Variants in COL11A1 observed in about 807,000 individuals in gnomAD.
The protein encoded by COL11A1 is collagen alpha-1(XI) chain.
In COL11A1, 74 loss-of-function variants were observed where a neutral mutation model predicts 265.2. That is an observed-to-expected ratio of 0.28 (90% CI 0.23 to 0.34). The LOEUF (loss-of-function observed/expected upper bound fraction) is 0.34, where lower values mean the gene tolerates loss of function less well. Ranked by LOEUF, COL11A1 falls within the 10% of genes least tolerant of loss-of-function variation. The probability of loss-of-function intolerance (pLI) is 1.00; values close to 1 mark genes in which losing one functional copy is unlikely to be tolerated. For synonymous variants in COL11A1, 816 were observed against 727.6 expected (o/e 1.12, Z -1.96); for missense variants, 2,165 against 2,263.6 (o/e 0.96, Z 0.88).
Position 103,057,632 on chromosome 1 carries a change from A to C in COL11A1, c.651+16986T>G, listed in dbSNP as rs184960331. Among the ~76,000 whole-genome samples, 4 of 152,298 alleles carry C rather than the reference A, an allele frequency of 2.6e-5. No individual in the cohort carries two copies. The East Asian group carries it at 7.7e-4, about 29-fold the overall frequency. On this transcript the variant is annotated intron_variant, in intron 4 of 66. Transcript: ENST00000370096. The stretch of plus-strand genomic sequence containing the variant: ...ATTACTATTGATCCATGGGCTATTG[A>C]TGTTGTGTTAGCAAGCATGAAAACA...
rs1242544627 is a variant in COL11A1 at position 102,965,501 on chromosome 1, C to T, written c.2902G>A (p.Val968Met). ...AAGGAACATACCTGTGGTCCAACCACTCCCCCTGGCCCAGGAGGGCCGGTC... is the reference window on the plus strand; with the variant it reads ...AAGGAACATACCTGTGGTCCAACCATTCCCCCTGGCCCAGGAGGGCCGGTC... ...GKTGPPGPGG[V>M]VGPQGPTGET... Residue 968 changes from valine (V) to methionine (M), a missense_variant, in exon 38 of 67, where the codon GTG becomes ATG. Physicochemically the swap from Val to Met is conservative, Grantham distance 21. Transcript: ENST00000370096. 4 of 1,613,602 alleles carry T rather than the reference C, an allele frequency of 2.5e-6. No individual in the cohort carries two copies. Among genetic ancestry groups the T allele is most frequent in the Admixed American group, 3.3e-5 (2 of 60,000 alleles).
chr1:102,925,686 A>T (rs995716611), intron 46 of COL11A1, among the ~76,000 whole-genome samples: 2 of 152,086 alleles, frequency 1.3e-5, no homozygotes, highest in African/African-American at 4.8e-5. Flanking sequence ...GACTGCAAAA[A>T]ATTTTAGGTT....
intron 2 of COL11A1, among the ~76,000 whole-genome samples, chr1:103,082,123 G>A (rs1033035193): frequency 1.3e-5 from 2 of 151,812 alleles, no homozygotes; most frequent in Admixed American, 6.6e-5. Flanking sequence ...AGGTCAATTA[G>A]TGCTCTCATG....
In COL11A1 at chr1:103,003,261, C is replaced by T. The variant is rs763512720; in HGVS notation, c.1952G>A (p.Arg651Gln). The T allele has an allele frequency of 1.9e-5, 30 of 1,612,768 alleles. No individual in the cohort carries two copies. Among genetic ancestry groups the T allele is most frequent in the Non-Finnish European group, 2.5e-5 (29 of 1,179,686 alleles). Residue 651 changes from arginine (R) to glutamine (Q), a missense_variant, in exon 21 of 67, where the codon CGA becomes CAA. By Grantham distance (43) the Arg-to-Gln change is conservative. Transcript: ENST00000370096. ...AGTTCCCCTTGGACCCAGCAAACCTCGTGGGCCCTAGGAGAAAAAGAAAAA... is the reference window on the plus strand; with the variant it reads ...AGTTCCCCTTGGACCCAGCAAACCTTGTGGGCCCTAGGAGAAAAAGAAAAA... ...PRGLPGEAGP[R>Q]GLLGPRGTPG... is the part of the protein sequence containing the mutation.
chr1:103,014,430 TA>T, intron 13 of COL11A1, 80 bp downstream of exon 13: 1 of 1,112,958 alleles, frequency 9.0e-7, no homozygotes, highest in Non-Finnish European at 1.4e-6. Context: ...TTAATAATGG[TA>T]GCATCTTCCG....
At chr1:102,985,633 A>G (rs560883981) in intron 30 of COL11A1, among the ~76,000 whole-genome samples, 6 of 152,258 alleles carry the variant, frequency 3.9e-5, no homozygotes, top group African/African-American at 1.4e-4. Flanking sequence ...GAAAGTTTGT[A>G]TTTTCAACAG....
chr1:102,940,688 A>G (rs958789325), intron 42 of COL11A1, among the ~76,000 whole-genome samples: 2 of 152,266 alleles, frequency 1.3e-5, no homozygotes, highest in South Asian at 2.1e-4. Flanking sequence ...CAAACATGCA[A>G]TTATTATATA....
intron 28 of COL11A1, among the ~76,000 whole-genome samples, chr1:102,990,606 T>G (rs144691482): frequency 6.6e-6 from 1 of 152,154 alleles, no homozygotes; most frequent in Non-Finnish European, 1.5e-5. Flanking sequence ...TAAACAACCT[T>G]ATTATCTCTT....
At chr1:102,881,865 A>G in intron 64 of COL11A1, 100 bp from the exon 65 acceptor site, 1 of 870,580 alleles carries the variant, frequency 1.1e-6, no homozygotes, top group Non-Finnish European at 1.8e-6. Context: ...GACTAAGAAA[A>G]TAAAGAGTGC....
At chr1:103,020,987 CT>C (rs374486333) in intron 9 of COL11A1, among the ~76,000 whole-genome samples, 7 of 143,846 alleles carry the variant, frequency 4.9e-5, no homozygotes, top group African/African-American at 1.8e-4. Context: ...CTACAACTAT[CT>C]TTTTATTCTT....
intron 4 of COL11A1, 94 bp from the exon 5 acceptor site, chr1:103,031,338 A>T: frequency 3.5e-6 from 5 of 1,449,214 alleles, no homozygotes; most frequent in Non-Finnish European, 4.7e-6. Flanking sequence ...TTTATTTTTA[A>T]ATATTTGAAG....
At chr1:102,928,370 G>A (rs921224881) in intron 46 of COL11A1, among the ~76,000 whole-genome samples, 49 of 150,984 alleles carry the variant, frequency 3.2e-4, no homozygotes, top group South Asian at 1.3e-3. Context: ...TTGTTCTTGC[G>A]ATAGTTTACT....
intron 38 of COL11A1, among the ~76,000 whole-genome samples, chr1:102,963,922 T>C (rs1661160016): frequency 6.6e-6 from 1 of 152,106 alleles, no homozygotes; most frequent in Non-Finnish European, 1.5e-5. Flanking sequence ...TATTCAGTAT[T>C]GCAATCTATA....
intron 30 of COL11A1, 56 bp from the exon 31 acceptor site, chr1:102,984,247 A>C (rs1018624522): frequency 5.1e-6 from 6 of 1,168,672 alleles, no homozygotes; most frequent in Middle Eastern, 2.5e-4. Context: ...TTAAGCTTAA[A>C]TAATGATTTC....
In COL11A1 at chr1:102,883,232, C is replaced by G. The variant is rs1481500191; in HGVS notation, c.4938G>C (p.Glu1646Asp). 6 of 1,613,416 alleles carry G rather than the reference C, an allele frequency of 3.7e-6. No homozygotes were observed. In the Admixed American group the frequency reaches 1.0e-4, roughly 27 times the overall value. Residue 1646 changes from glutamate (E) to aspartate (D), a missense_variant, in exon 64 of 67, where the codon GAG becomes GAC. Transcript: ENST00000370096. Reference protein sequence around the residue: ...KVYCNFTSGGETCIYPDKKSE... With the variant: ...KVYCNFTSGGDTCIYPDKKSE... ...ATTTTTTGTCTGGATAAATGCAAGT[C>G]TCACCACCAGATGTGAAATTACAGT... is the stretch of plus-strand genomic sequence containing the variant.
intron 1 of COL11A1, among the ~76,000 whole-genome samples, chr1:103,099,576 A>C (rs1310178133): frequency 2.0e-5 from 3 of 151,544 alleles, no homozygotes; most frequent in African/African-American, 7.3e-5. Flanking sequence ...AAGGTTCAAT[A>C]ATGAATATAT....
chr1:103,088,465 G>A (rs1420433343), intron 1 of COL11A1, among the ~76,000 whole-genome samples: 3 of 151,996 alleles, frequency 2.0e-5, no homozygotes, highest in Admixed American at 6.6e-5. Flanking sequence ...TTTTTATATG[G>A]TACATGATGT....
At position 102,877,870 on chromosome 1, in the gene COL11A1, C is replaced by T. The variant is rs1649683013; in HGVS notation, c.*149G>A. 1 of 736,276 alleles carries T rather than the reference C, an allele frequency of 1.4e-6. No individual in the cohort carries two copies. The highest frequency in any genetic ancestry group is 2.3e-6 in the Non-Finnish European group (1 of 428,742). 45.6% of individuals were successfully genotyped at this position (736,276 alleles called of 1,614,324 possible). ...AGCTTTTGCCATGTGATTCTGCCCC[C>T]ACAAAGGCATCGGTATTTCCTAAAT... is the stretch of plus-strand genomic sequence containing the variant. On this transcript the variant is annotated 3_prime_UTR_variant, in exon 67 of 67. Transcript: ENST00000370096.
chr1:102,962,957 G>C lies in COL11A1; in HGVS notation c.2917-197C>G, dbSNP rs78602581. On this transcript the variant is annotated intron_variant, in intron 38 of 66. Transcript: ENST00000370096. ...GTCTAAAAAGATTTTATATAATCTT[G>C]GTTAGAATCTGAGTGTAAAAGGAAA... is the stretch of plus-strand genomic sequence containing the variant. Among the ~76,000 whole-genome samples the C allele has an allele frequency of 0.012, 1,865 of 152,246 alleles. 46 individuals are homozygous for C. The highest frequency in any genetic ancestry group is 0.042 in the African/African-American group (1,762 of 41,542).
Sources: gnomAD v4.1 joint callset for allele counts (sites outside exome capture counted in the v4.1 genomes callset) on GRCh38, gnomAD v4.1.1 for gene constraint, MANE v1.5 for transcripts, NCBI Gene and HGNC (gene_info 2026-07-23, HGNC 2026-07-21) for gene names.